Variants in LARGE1 observed in about 807,000 individuals in gnomAD.
LARGE1 encodes the protein xylosyl- and glucuronyltransferase LARGE1.
Under a neutral mutation model 87.6 loss-of-function variants are expected in LARGE1, and 43 were observed. That is an observed-to-expected ratio of 0.49 (90% CI 0.38 to 0.63). LARGE1 has a LOEUF of 0.63. Ranked by LOEUF, LARGE1 falls within the 30% of genes least tolerant of loss-of-function variation. The pLI is 0.00. For synonymous variants in LARGE1, 434 were observed against 394.6 expected, an observed-to-expected ratio of 1.10 and a Z score of -1.18; for missense variants, 802 against 1,000.2, an observed-to-expected ratio of 0.80 and a Z score of 2.67.
At chr22:33,430,862 C>T (rs1245655267) in intron 7 of LARGE1, among the ~76,000 whole-genome samples, 1 of 152,172 alleles carries the variant, frequency 6.6e-6, no homozygotes, top group Non-Finnish European at 1.5e-5. Flanking sequence ...TGGAGTCTGA[C>T]CATCAGCTCT....
chr22:33,372,074 A>G (rs1569103826), intron 9 of LARGE1, among the ~76,000 whole-genome samples: 1 of 152,148 alleles, frequency 6.6e-6, no homozygotes. Context: ...GTACTTTAAA[A>G]TCATAAGGTT....
chr22:33,525,709 C>T (rs540284989), intron 6 of LARGE1, among the ~76,000 whole-genome samples: 56 of 152,126 alleles, frequency 3.7e-4, no homozygotes, highest in African/African-American at 1.0e-3. Context: ...GCTACGGGGA[C>T]GGGAAGCTTC....
chr22:33,425,508 T>C (rs1233479069), intron 7 of LARGE1, among the ~76,000 whole-genome samples: 1 of 152,168 alleles, frequency 6.6e-6, no homozygotes, highest in African/African-American at 2.4e-5. Flanking sequence ...GTCTACATCC[T>C]TGCAGCAGAA....
intron 2 of LARGE1, among the ~76,000 whole-genome samples, chr22:33,651,983 C>T (rs1352868837): frequency 1.3e-5 from 2 of 152,084 alleles, no homozygotes; most frequent in African/African-American, 2.4e-5. Flanking sequence ...ACCATCCTGG[C>T]CAAGCTAGTG....
At chr22:33,371,445 T>A (rs2064805051) in intron 9 of LARGE1, among the ~76,000 whole-genome samples, 1 of 152,216 alleles carries the variant, frequency 6.6e-6, no homozygotes. Context: ...TTTGTGTAAC[T>A]CCTTGATAAG....
intron 6 of LARGE1, among the ~76,000 whole-genome samples, chr22:33,465,912 C>T (rs1179573053): frequency 6.6e-6 from 1 of 152,214 alleles, no homozygotes. Context: ...TCTGCAAATA[C>T]TGCTGTACCA....
rs2149253156 is a variant in LARGE1 at position 33,667,430 on chromosome 22, A to G, written c.107-16762T>C. Among the ~76,000 whole-genome samples, 2 of 152,336 alleles carry G rather than the reference A, an allele frequency of 1.3e-5. 1 individual carries two copies. The highest frequency in any genetic ancestry group is 6.8e-3 in the Middle Eastern group (2 of 294). On this transcript the variant is annotated intron_variant, in intron 2 of 14. Coordinates refer to ENST00000397394, the MANE Select transcript of LARGE1 (RefSeq NM_133642.5). ...GAAAGGATGCCTTAACAGAAAAGCC[A>G]TTACTCCCAGGAGAAAAGCCAGGAA...
intron 2 of LARGE1, among the ~76,000 whole-genome samples, chr22:33,715,640 G>A (rs950211062): frequency 6.6e-6 from 1 of 152,162 alleles, no homozygotes; most frequent in African/African-American, 2.4e-5. Context: ...CTAACCCCCA[G>A]AGCATCTGCC....
chr22:33,097,413 T>A, the LARGE1 span, among the ~76,000 whole-genome samples: 1 of 152,226 alleles, frequency 6.6e-6, no homozygotes, highest in Non-Finnish European at 1.5e-5. Flanking sequence ...TTCTTTAAAA[T>A]GTTAAGTACT....
chr22:33,577,824 T>C (rs1201488390), intron 5 of LARGE1, among the ~76,000 whole-genome samples: 1 of 152,222 alleles, frequency 6.6e-6, no homozygotes, highest in Non-Finnish European at 1.5e-5. Flanking sequence ...CCTTTATTAA[T>C]TTCTGATTGG....
intron 11 of LARGE1, among the ~76,000 whole-genome samples, chr22:33,195,060 G>C (rs1192104996): frequency 6.6e-6 from 1 of 152,144 alleles, no homozygotes; most frequent in Non-Finnish European, 1.5e-5. Flanking sequence ...TTTAAAATCT[G>C]TGTTCAAGCA....
At chr22:33,289,282 A>C (rs73399562) in intron 12 of LARGE1, among the ~76,000 whole-genome samples, 13,517 of 152,150 alleles carry the variant, frequency 0.089, 1,828 homozygotes, top group African/African-American at 0.29. Flanking sequence ...TTAAAACAAT[A>C]TAAATAACTC....
chr22:33,732,028 GAA>G (rs1192452967), intron 2 of LARGE1, among the ~76,000 whole-genome samples: 2 of 152,124 alleles, frequency 1.3e-5, no homozygotes, highest in African/African-American at 4.8e-5. Context: ...TATGTCTTCT[GAA>G]ATCACCTTAT....
At chr22:33,444,492 G>T (rs1601865096) in intron 6 of LARGE1, among the ~76,000 whole-genome samples, 2 of 151,994 alleles carry the variant, frequency 1.3e-5, no homozygotes, top group Admixed American at 1.3e-4. Flanking sequence ...GATGAGAGAG[G>T]CCCTCCTTGC....
rs961835410 is a variant in LARGE1 at position 33,407,232 on chromosome 22, A to T, written c.893-22928T>A. ...GGCTATTCACAAGCACGATCATCGC[A>T]CACTACAGTTTTGAACTCTTGGGCT... On this transcript the variant is annotated intron_variant, in intron 7 of 14. Transcript: ENST00000397394. Among the ~76,000 whole-genome samples the T allele has an allele frequency of 3.9e-5, 6 of 152,144 alleles. No individual in the cohort carries two copies. The South Asian group carries it at 6.2e-4, about 16-fold the overall frequency.
chr22:33,074,441 G>A, the LARGE1 span, among the ~76,000 whole-genome samples: 3 of 152,154 alleles, frequency 2.0e-5, no homozygotes, highest in East Asian at 5.8e-4. Flanking sequence ...TTGGGAGGCC[G>A]AGGTGGGCAG....
intron 5 of LARGE1, among the ~76,000 whole-genome samples, chr22:33,570,541 G>A (rs1248775659): frequency 6.6e-6 from 1 of 151,382 alleles, no homozygotes; most frequent in Non-Finnish European, 1.5e-5. Flanking sequence ...CCAGCTACTC[G>A]GGAGGCTGAG....
In LARGE1 at chr22:33,390,025, C is replaced by T. The variant is rs927064741; in HGVS notation, c.893-5721G>A. On this transcript the variant is annotated intron_variant, in intron 7 of 14. Coordinates refer to ENST00000397394, the MANE Select transcript of LARGE1 (RefSeq NM_133642.5). ...GGTTGTGGCCAGACCATCTGGTTCTCGCCATAATTTAATTTTCTTTTCTTT... is the reference window on the plus strand; with the variant it reads ...GGTTGTGGCCAGACCATCTGGTTCTTGCCATAATTTAATTTTCTTTTCTTT... Among the ~76,000 whole-genome samples the T allele has an allele frequency of 3.9e-5, 6 of 152,290 alleles. No individual in the cohort carries two copies. In the East Asian group the frequency reaches 7.7e-4, roughly 20 times the overall value.
At chr22:33,711,431 A>C (rs983799001) in intron 2 of LARGE1, among the ~76,000 whole-genome samples, 1 of 152,212 alleles carries the variant, frequency 6.6e-6, no homozygotes, top group Non-Finnish European at 1.5e-5. Context: ...AAAATATTGA[A>C]TAGACCATGG....
Sources: allele counts gnomAD v4.1 joint callset (sites outside exome capture counted in the v4.1 genomes callset), GRCh38; gene constraint gnomAD v4.1.1; transcripts MANE v1.5; gene names NCBI Gene and HGNC (gene_info 2026-07-23, HGNC 2026-07-21).